The following TMEM266 variants were observed in gnomAD, a reference collection of about 807,000 sequenced individuals.
TMEM266 encodes the protein Hv1 related protein 1.
Under a neutral mutation model 50.5 loss-of-function variants are expected in TMEM266, and 33 were observed. That is an observed-to-expected ratio of 0.65 (90% confidence interval 0.50 to 0.87). TMEM266 has a LOEUF of 0.87. Among genes scored for constraint, TMEM266 ranks in the 40% least tolerant of loss-of-function variants. TMEM266 has a pLI of 0.00. For missense variants in TMEM266, 655 were observed against 695.1 expected, an observed-to-expected ratio of 0.94 and a Z score of 0.65; for synonymous variants, 310 against 292.3, an observed-to-expected ratio of 1.06 and a Z score of -0.62.
At chr15:76,084,940 C>T (rs1220238328) in intron 1 of TMEM266, among the ~76,000 whole-genome samples, 17 of 149,688 alleles carry the variant, frequency 1.1e-4, no homozygotes, top group African/African-American at 4.2e-4. Flanking sequence ...ATCAGATTTG[C>T]ATTTTCTTTT....
chr15:76,128,399 T>C (rs1427880512), intron 1 of TMEM266, among the ~76,000 whole-genome samples: 1 of 152,174 alleles, frequency 6.6e-6, no homozygotes, highest in Non-Finnish European at 1.5e-5. Flanking sequence ...CTGGAACACA[T>C]ATATGGGTAA....
chr15:76,189,815 G>GA lies in TMEM266; in HGVS notation c.769-2149dup, dbSNP rs557613884. Reference sequence around the variant, plus strand: ...GGGACCTGGGGAAAGGTGGAGGGCTGAAAATGAGGATTAAATGAAAATCTT... The same window carrying GA: ...GGGACCTGGGGAAAGGTGGAGGGCTGAAAAATGAGGATTAAATGAAAATCTT... On this transcript the variant is annotated intron_variant, in intron 8 of 10. Coordinates refer to ENST00000388942, the MANE Select transcript of TMEM266 (RefSeq NM_152335.3). Among the ~76,000 whole-genome samples the GA allele has an allele frequency of 2.1e-3, 326 of 152,284 alleles. 1 individual carries two copies. The highest frequency in any genetic ancestry group is 7.5e-3 in the African/African-American group (312 of 41,550).
chr15:76,078,545 C>T (rs2036638468), intron 1 of TMEM266, among the ~76,000 whole-genome samples: 1 of 152,200 alleles, frequency 6.6e-6, no homozygotes, highest in Non-Finnish European at 1.5e-5. Context: ...GATACACAGC[C>T]TTTGGGTCTT....
intron 7 of TMEM266, among the ~76,000 whole-genome samples, chr15:76,172,554 C>A (rs906737696): frequency 3.9e-5 from 6 of 152,210 alleles, no homozygotes; most frequent in Admixed American, 6.5e-5. Flanking sequence ...GGGATTTGGT[C>A]CTGATGAAGA....
intron 5 of TMEM266, among the ~76,000 whole-genome samples, chr15:76,166,112 G>C (rs552849032): frequency 1.2e-4 from 18 of 152,238 alleles, no homozygotes; most frequent in South Asian, 8.3e-4. Context: ...TTAGTCCAGC[G>C]CGTGTTTTCG....
chr15:76,094,257 T>C (rs972365718), intron 1 of TMEM266, among the ~76,000 whole-genome samples: 32 of 152,078 alleles, frequency 2.1e-4, no homozygotes, highest in African/African-American at 7.7e-4. Context: ...AGGTCTTATG[T>C]TTAAGTCTTT....
intron 7 of TMEM266, chr15:76,175,286 T>G: frequency 3.2e-6 from 1 of 311,582 alleles, no homozygotes. Flanking sequence ...GGCTGGAAAA[T>G]AGTCTTTATT....
intron 1 of TMEM266, among the ~76,000 whole-genome samples, chr15:76,104,608 G>A (rs1031370516): frequency 6.6e-6 from 1 of 152,100 alleles, no homozygotes. Flanking sequence ...CATGAGGTCA[G>A]GAGATGGAGA....
chr15:76,192,430 G>A (rs1027011794), intron 9 of TMEM266, among the ~76,000 whole-genome samples: 2 of 152,218 alleles, frequency 1.3e-5, no homozygotes, highest in African/African-American at 2.4e-5. Flanking sequence ...TGTGTGTGGT[G>A]TCTTCCCTGT....
chr15:76,182,487 A>G (rs1259821753), intron 8 of TMEM266, among the ~76,000 whole-genome samples: 2 of 151,666 alleles, frequency 1.3e-5, no homozygotes, highest in Non-Finnish European at 2.9e-5. Flanking sequence ...AAAAATATAT[A>G]TAAAAAATTA....
intron 3 of TMEM266, among the ~76,000 whole-genome samples, chr15:76,147,576 C>T (rs907047026): frequency 6.6e-6 from 1 of 152,172 alleles, no homozygotes. Context: ...ACCCCTCACT[C>T]CCTTGATATT....
chr15:76,137,617 GC>G, intron 2 of TMEM266, 89 bp from the exon 3 acceptor site: 2 of 1,314,674 alleles, frequency 1.5e-6, no homozygotes, highest in South Asian at 2.5e-5. Flanking sequence ...CACTGGCATA[GC>G]AGCATTCTCC....
At chr15:76,196,110 A>G (rs1271710136) in intron 9 of TMEM266, among the ~76,000 whole-genome samples, 1 of 152,188 alleles carries the variant, frequency 6.6e-6, no homozygotes, top group Admixed American at 6.5e-5. Flanking sequence ...TGTCCCTGCT[A>G]ACCCTCCTGG....
chr15:76,085,174 C>T (rs1049817063), intron 1 of TMEM266, among the ~76,000 whole-genome samples: 3 of 150,924 alleles, frequency 2.0e-5, no homozygotes, highest in Non-Finnish European at 4.4e-5. Flanking sequence ...TTAGCCAGCA[C>T]GGTCTCTATC....
chr15:76,158,765 C>T lies in TMEM266; in HGVS notation c.383-1330C>T, dbSNP rs555603105. On this transcript the variant is annotated intron_variant, in intron 4 of 10. Coordinates refer to ENST00000388942, the MANE Select transcript of TMEM266 (RefSeq NM_152335.3). Reference sequence around the variant, plus strand: ...CTTGGAGTCACACGGGCCTCAGCCTCTTCGTTCCCACTGGTATTCATGTGG... The same window carrying T: ...CTTGGAGTCACACGGGCCTCAGCCTTTTCGTTCCCACTGGTATTCATGTGG... Among the ~76,000 whole-genome samples, 9 of 152,336 alleles carry T rather than the reference C, an allele frequency of 5.9e-5. No individual in the cohort carries two copies. In the South Asian group the frequency reaches 1.9e-3, roughly 32 times the overall value.
chr15:76,131,503 G>C (rs1283926804), intron 1 of TMEM266, among the ~76,000 whole-genome samples: 2 of 152,188 alleles, frequency 1.3e-5, no homozygotes, highest in African/African-American at 4.8e-5. Context: ...GTTGGGTTTA[G>C]ACATTCTATG....
intron 3 of TMEM266, among the ~76,000 whole-genome samples, chr15:76,150,191 G>A (rs1194640225): frequency 2.6e-5 from 4 of 152,220 alleles, no homozygotes; most frequent in Non-Finnish European, 5.9e-5. Context: ...TTTGGGGGGT[G>A]TAAGGGCATA....
intron 1 of TMEM266, among the ~76,000 whole-genome samples, chr15:76,090,491 C>CAAAA (rs34778511): frequency 1.2e-4 from 9 of 74,268 alleles, no homozygotes; most frequent in East Asian, 4.3e-4. Context: ...GACTCTGTCT[C>CAAAA]AAAAAAAAAA....
chr15:76,121,871 A>T (rs940794067), intron 1 of TMEM266, among the ~76,000 whole-genome samples: 1 of 152,234 alleles, frequency 6.6e-6, no homozygotes, highest in Admixed American at 6.5e-5. Flanking sequence ...GTAAATGTCT[A>T]TCTATGCATC....
Sources: allele counts gnomAD v4.1 joint callset (sites outside exome capture counted in the v4.1 genomes callset), GRCh38; gene constraint gnomAD v4.1.1; transcripts MANE v1.5; gene names NCBI Gene and HGNC (gene_info 2026-07-23, HGNC 2026-07-21).